Variants in LRRC49 observed in about 807,000 individuals in gnomAD.
The protein encoded by LRRC49 is leucine rich repeat containing 49, also known as leucine-rich repeat-containing protein 49.
In LRRC49, 50 loss-of-function variants were observed where a neutral mutation model predicts 83.3. The observed-to-expected ratio is 0.60, with a 90% confidence interval of 0.48 to 0.76. LRRC49 has a LOEUF of 0.76. LRRC49 is among the 30% of genes least tolerant of loss of function. LRRC49 has a pLI of 0.00. For missense variants in LRRC49, 704 were observed against 809.1 expected, an observed-to-expected ratio of 0.87 and a Z score of 1.58; for synonymous variants, 286 against 283.3, an observed-to-expected ratio of 1.01 and a Z score of -0.10.
chr15:70,864,923 G>A (rs1420247154), intron 1 of LRRC49, among the ~76,000 whole-genome samples: 10 of 152,140 alleles, frequency 6.6e-5, no homozygotes, highest in Non-Finnish European at 1.5e-4. Context: ...GGCTCTCTTA[G>A]CTGCTTCAGT....
chr15:71,021,735 A>T (rs2039002436), intron 14 of LRRC49, among the ~76,000 whole-genome samples: 1 of 152,174 alleles, frequency 6.6e-6, no homozygotes, highest in South Asian at 2.1e-4. Context: ...AACCTGGTCT[A>T]GGAAGGCCTT....
chr15:70,988,251 T>G (rs2037711473), intron 11 of LRRC49, among the ~76,000 whole-genome samples: 1 of 150,894 alleles, frequency 6.6e-6, no homozygotes, highest in Non-Finnish European at 1.5e-5. Context: ...AAGTCTCCCA[T>G]TATTATTGTG....
chr15:71,040,680 C>T (rs561970590), intron 15 of LRRC49, among the ~76,000 whole-genome samples: 7 of 151,942 alleles, frequency 4.6e-5, no homozygotes, highest in African/African-American at 1.4e-4. Flanking sequence ...ATTAGCCGGG[C>T]GTGGTGGTGG....
intron 14 of LRRC49, among the ~76,000 whole-genome samples, chr15:71,036,519 G>T (rs2039524166): frequency 6.6e-6 from 1 of 152,134 alleles, no homozygotes; most frequent in Non-Finnish European, 1.5e-5. Flanking sequence ...CACCCTAAGT[G>T]GTGGAAACCA....
At chr15:71,047,114 G>A (rs2039875639) in intron 15 of LRRC49, among the ~76,000 whole-genome samples, 1 of 152,210 alleles carries the variant, frequency 6.6e-6, no homozygotes, top group Non-Finnish European at 1.5e-5. Flanking sequence ...TTTGAAGTCA[G>A]ATAGCATAAT....
intron 7 of LRRC49, chr15:70,936,510 C>T (rs2035602213): frequency 5.4e-6 from 2 of 373,174 alleles, no homozygotes; most frequent in South Asian, 1.1e-4. Flanking sequence ...AAGAGGCTAG[C>T]GGCAGCGTCT....
chr15:70,914,302 A>G (rs1201745487), intron 6 of LRRC49, among the ~76,000 whole-genome samples: 2 of 152,188 alleles, frequency 1.3e-5, no homozygotes, highest in East Asian at 1.9e-4. Context: ...TAAAGAAGCT[A>G]AAAGACATTA....
rs1049615786 is a variant in LRRC49, at chr15:70,859,124, A to C, written c.-299+5655A>C. ...GAAGATGGCTCGGAACAACAAGAAC[A>C]ACATGTTCCAGAGCTATATCAACAA... On this transcript the variant is annotated intron_variant, in intron 1 of 16. Coordinates refer to the LRRC49 transcript ENST00000544974. 5 of 1,368,150 alleles carry C rather than the reference A, an allele frequency of 3.7e-6. No homozygotes were observed. In the African/African-American group the frequency reaches 4.3e-5, roughly 12 times the overall value. The allele number at this position is 1,368,150 out of a possible 1,614,324, so 84.8% of individuals were successfully genotyped here.
At chr15:70,875,827 A>C (rs1037356122) in intron 2 of LRRC49, among the ~76,000 whole-genome samples, 1 of 152,222 alleles carries the variant, frequency 6.6e-6, no homozygotes, top group Non-Finnish European at 1.5e-5. Flanking sequence ...AGGGTGAAAG[A>C]AGCATCCAGG....
Position 70,918,975 on chromosome 15 carries a change from A to G in LRRC49, c.568-75A>G, listed in dbSNP as rs920697475. The G allele has an allele frequency of 5.0e-6, 6 of 1,196,708 alleles. No homozygotes were observed. The East Asian group carries it at 1.2e-4, about 24-fold the overall frequency. 74.1% of individuals were successfully genotyped at this position (1,196,708 alleles called of 1,614,324 possible). ...TAAATCTAGTGACTTCGAATATTTT[A>G]TTTTTAGGGTTTTTAGAACATGTAT... is the stretch of plus-strand genomic sequence containing the variant. On this transcript the variant is annotated intron_variant, in intron 6 of 15. Transcript: ENST00000260382.
At chr15:70,939,876 A>G (rs1400916015) in intron 8 of LRRC49, among the ~76,000 whole-genome samples, 4 of 142,472 alleles carry the variant, frequency 2.8e-5, no homozygotes, top group Non-Finnish European at 6.1e-5. Context: ...TTTAGGAAGG[A>G]ATGCTGTTTT....
intron 8 of LRRC49, among the ~76,000 whole-genome samples, chr15:70,962,870 A>T (rs2036653425): frequency 6.6e-6 from 1 of 152,142 alleles, no homozygotes; most frequent in Non-Finnish European, 1.5e-5. Context: ...AAAGGAGAGG[A>T]TGCAATGGTA....
intron 11 of LRRC49, among the ~76,000 whole-genome samples, chr15:70,995,339 C>T (rs2038038678): frequency 6.6e-6 from 1 of 152,014 alleles, no homozygotes. Context: ...AATTTATGGT[C>T]AAAGTAAGTT....
chr15:70,947,907 G>A (rs1019753544), intron 8 of LRRC49, among the ~76,000 whole-genome samples: 2 of 152,190 alleles, frequency 1.3e-5, no homozygotes, highest in Non-Finnish European at 2.9e-5. Flanking sequence ...AGGACAATGG[G>A]TGTGGGATCA....
chr15:70,981,210 A>G (rs2037383913), intron 10 of LRRC49, among the ~76,000 whole-genome samples: 1 of 152,028 alleles, frequency 6.6e-6, no homozygotes, highest in African/African-American at 2.4e-5. Context: ...CATTAAGAAA[A>G]TGGGATGGAC....
In LRRC49 at chr15:70,895,926, A is replaced by C. The variant is rs955882621; in HGVS notation, c.183A>C (p.Ser61=). Residue 61 remains serine, a synonymous_variant, in exon 3 of 16, where the codon TCA becomes TCC. Coordinates refer to ENST00000260382, the MANE Select transcript of LRRC49 (RefSeq NM_017691.5). The part of the protein sequence containing the change: ...LLQHDLERNY[S]SRQGDHINLV... Reference sequence around the variant, plus strand: ...AACATGACCTTGAAAGAAACTACTCAAGTAGGCAAGGTATTGTCAGTGAAT... The same window carrying C: ...AACATGACCTTGAAAGAAACTACTCCAGTAGGCAAGGTATTGTCAGTGAAT... 3 of 1,597,542 alleles carry C rather than the reference A, an allele frequency of 1.9e-6. No homozygotes were observed. The highest frequency in any genetic ancestry group is 2.2e-5 in the East Asian group (1 of 44,612).
intron 11 of LRRC49, among the ~76,000 whole-genome samples, chr15:70,991,343 C>T (rs180894965): frequency 1.6e-3 from 242 of 152,246 alleles, no homozygotes; most frequent in Non-Finnish European, 2.7e-3. Flanking sequence ...TATATTTGTA[C>T]AGCTGTCCCT....
intron 5 of LRRC49, among the ~76,000 whole-genome samples, chr15:70,905,485 A>C (rs1247377594): frequency 3.3e-5 from 5 of 152,086 alleles, no homozygotes; most frequent in Admixed American, 3.3e-4. Flanking sequence ...TTGCAGGAAA[A>C]AAAAGTATTA....
At chr15:70,860,089 G>A (rs748490133) in intron 1 of LRRC49, 24 of 722,504 alleles carry the variant, frequency 3.3e-5, no homozygotes, top group Non-Finnish European at 5.5e-5. Context: ...GCTCCACCAG[G>A]GCTGTGGTTG....
Sources: gnomAD v4.1 joint callset for allele counts (sites outside exome capture counted in the v4.1 genomes callset) on GRCh38, gnomAD v4.1.1 for gene constraint, MANE v1.5 for transcripts, NCBI Gene and HGNC (gene_info 2026-07-23, HGNC 2026-07-21) for gene names.